PXDN: variants seen among roughly 807,000 people sequenced by gnomAD.
PXDN encodes the protein peroxidasin homolog.
PXDN carries 77 observed loss-of-function variants against 140.3 expected under a neutral mutation model. That is an observed-to-expected ratio of 0.55 (90% CI 0.46 to 0.66). The LOEUF is 0.66. Among genes scored for constraint, PXDN ranks in the 30% least tolerant of loss-of-function variants. The pLI, the probability that PXDN is intolerant of heterozygous loss-of-function variation, is 0.00. For synonymous variants in PXDN, 911 were observed against 857.4 expected (o/e 1.06, Z -1.09); for missense variants, 1,838 against 2,039.5 (o/e 0.90, Z 1.90).
chr2:1,676,935 C>A lies in PXDN; in HGVS notation c.840G>T (p.Leu280=), dbSNP rs1440286741. ...EGNPKPEIIW[L]RNNNELSMKT... The stretch of plus-strand genomic sequence containing the variant: ...GTTTGGCCCCAACTCACTTGTTTCG[C>A]AGCCAGATGATCTCAGGCTTGGGGT... The change falls in exon 8 of 23, where the codon CTG becomes CTT. Residue 280 remains leucine, a synonymous_variant. Coordinates refer to ENST00000252804, the MANE Select transcript of PXDN (RefSeq NM_012293.3). The A allele has an allele frequency of 6.2e-7, 1 of 1,611,370 alleles. No individual in the cohort carries two copies. Among genetic ancestry groups the A allele is most frequent in the African/African-American group, 1.3e-5 (1 of 74,912 alleles).
At chr2:1,662,577 A>C (rs1683330839) in intron 12 of PXDN, among the ~76,000 whole-genome samples, 1 of 152,124 alleles carries the variant, frequency 6.6e-6, no homozygotes. Context: ...CTCTGGGGAG[A>C]GCCCGACTCT....
chr2:1,743,052 A>T (rs1685584520), intron 1 of PXDN, among the ~76,000 whole-genome samples: 2 of 152,242 alleles, frequency 1.3e-5, no homozygotes, highest in African/African-American at 4.8e-5. Flanking sequence ...CTACAGGACT[A>T]AATTAGAGTC....
At chr2:1,665,877 C>G (rs1027742618) in intron 10 of PXDN, among the ~76,000 whole-genome samples, 4 of 152,174 alleles carry the variant, frequency 2.6e-5, no homozygotes, top group African/African-American at 9.7e-5. Context: ...GGTGTATCAA[C>G]CACCTTACTG....
intron 3 of PXDN, among the ~76,000 whole-genome samples, chr2:1,688,114 G>C (rs952754763): frequency 1.3e-5 from 2 of 152,102 alleles, no homozygotes; most frequent in South Asian, 2.1e-4. Context: ...AATAATTTGG[G>C]GAGTGGACAA....
chr2:1,723,870 G>A (rs150831479), intron 1 of PXDN, among the ~76,000 whole-genome samples: 104 of 152,294 alleles, frequency 6.8e-4, no homozygotes, highest in African/African-American at 1.7e-3. Context: ...AACATCCCAC[G>A]TTTGAGTAAG....
rs114388996 is a variant in PXDN at position 1,674,742 on chromosome 2, C to T, written c.849-930G>A. On this transcript the variant is annotated intron_variant, in intron 8 of 22. Coordinates refer to ENST00000252804, the MANE Select transcript of PXDN (RefSeq NM_012293.3). ...AGGACAGAGTAAGAACAGCCAGGCA[C>T]GGAGCCCTCTGAGAATGCAGACGGG... Among the ~76,000 whole-genome samples the T allele has an allele frequency of 4.2e-3, 638 of 152,280 alleles. 8 individuals carry two copies. The highest frequency in any genetic ancestry group is 0.015 in the African/African-American group (607 of 41,570).
chr2:1,707,471 G>C (rs1684645111), intron 1 of PXDN, among the ~76,000 whole-genome samples: 1 of 152,238 alleles, frequency 6.6e-6, no homozygotes. Context: ...CACGCCTTCT[G>C]AACATCAAAC....
intron 17 of PXDN, among the ~76,000 whole-genome samples, chr2:1,646,507 A>C (rs1682853629): frequency 6.6e-6 from 1 of 152,256 alleles, no homozygotes; most frequent in Non-Finnish European, 1.5e-5. Flanking sequence ...ACACTGGATT[A>C]ACGGAGTGCG....
In PXDN at chr2:1,656,933, GAA is replaced by G. The variant is rs1413970427; in HGVS notation, c.1838-2427_1838-2426del. ...GACTGGAACCTGTCCCCTCCTGACA[GAA>G]ACCTGTCCCCTCCTGCCTCAGACCT... On this transcript the variant is annotated intron_variant, in intron 14 of 22. Coordinates refer to ENST00000252804, the MANE Select transcript of PXDN (RefSeq NM_012293.3). Among the ~76,000 whole-genome samples the G allele has an allele frequency of 8.8e-3, 1,292 of 146,810 alleles. 14 individuals are homozygous for G. The highest frequency in any genetic ancestry group is 0.032 in the African/African-American group (1,242 of 38,260).
At chr2:1,643,678 G>A (rs552226397) in intron 18 of PXDN, 102 bp from the exon 19 acceptor site, 2 of 1,220,464 alleles carry the variant, frequency 1.6e-6, no homozygotes, top group East Asian at 4.8e-5. Flanking sequence ...CAGCAATACA[G>A]AAACCACTAG....
At chr2:1,634,786 G>A (rs549107840) in intron 22 of PXDN, among the ~76,000 whole-genome samples, 69 of 152,292 alleles carry the variant, frequency 4.5e-4, no homozygotes, top group Non-Finnish European at 7.9e-4. Context: ...ACTGATGCGC[G>A]TCCTCTCCCA....
At chr2:1,650,058 GA>G (rs1170905525) in intron 16 of PXDN, among the ~76,000 whole-genome samples, 6 of 152,134 alleles carry the variant, frequency 3.9e-5, no homozygotes, top group Admixed American at 6.5e-5. Flanking sequence ...CCCCGTGTAA[GA>G]GACAGTCACC....
intron 14 of PXDN, among the ~76,000 whole-genome samples, chr2:1,658,035 T>TCTCG (rs1558494228): frequency 6.0e-4 from 9 of 15,100 alleles, no homozygotes; most frequent in African/African-American, 2.7e-3. Context: ...GGGCTCTCTC[T>TCTCG]CTCTCTCTCT....
intron 11 of PXDN, 89 bp from the exon 12 acceptor site, chr2:1,663,852 C>T (rs764681646): frequency 3.9e-6 from 6 of 1,525,034 alleles, no homozygotes; most frequent in Middle Eastern, 2.4e-4. Context: ...AGAAGCTTGT[C>T]TCCACCTGGG....
At chr2:1,698,241 T>A (rs1265394494) in intron 1 of PXDN, among the ~76,000 whole-genome samples, 2 of 152,278 alleles carry the variant, frequency 1.3e-5, no homozygotes, top group South Asian at 4.1e-4. Context: ...ATTGTGAACA[T>A]CCCCTGCAAT....
intron 4 of PXDN, among the ~76,000 whole-genome samples, chr2:1,686,668 A>G (rs1257151118): frequency 6.6e-6 from 1 of 152,074 alleles, no homozygotes; most frequent in African/African-American, 2.4e-5. Context: ...CTCTGTAGAG[A>G]CAGACCTCCT....
chr2:1,680,120 TGGTG>T, intron 7 of PXDN, 69 bp downstream of exon 7: 1 of 1,443,458 alleles, frequency 6.9e-7, no homozygotes, highest in Non-Finnish European at 9.3e-7. Context: ...TGTGTGTAGA[TGGTG>T]TGTGTGTGGA....
At chr2:1,681,788 C>T (rs1389416296) in intron 6 of PXDN, among the ~76,000 whole-genome samples, 1 of 152,232 alleles carries the variant, frequency 6.6e-6, no homozygotes, top group Non-Finnish European at 1.5e-5. Flanking sequence ...CAGGCACATG[C>T]AAGACCCAGA....
At chr2:1,679,727 G>C (rs1683831116) in intron 7 of PXDN, among the ~76,000 whole-genome samples, 4 of 150,994 alleles carry the variant, frequency 2.6e-5, no homozygotes, top group African/African-American at 9.7e-5. Context: ...TGCTGTGTGT[G>C]TGTGGATGGT....
Sources: gnomAD v4.1 joint callset for allele counts (sites outside exome capture counted in the v4.1 genomes callset) on GRCh38, gnomAD v4.1.1 for gene constraint, MANE v1.5 for transcripts, NCBI Gene and HGNC (gene_info 2026-07-23, HGNC 2026-07-21) for gene names.